PC: variants seen among roughly 807,000 people sequenced by gnomAD.
The protein encoded by PC is pyruvate carboxylase, mitochondrial.
A neutral mutation model predicts 107.8 loss-of-function variants in PC; 46 were observed. The observed-to-expected ratio is 0.43, with a 90% confidence interval of 0.34 to 0.55. The LOEUF (loss-of-function observed/expected upper bound fraction) is 0.55. Among genes scored for constraint, PC ranks in the 20% least tolerant of loss-of-function variants. The pLI is 0.04. For synonymous variants in PC, 662 were observed against 684.7 expected (o/e 0.97, Z 0.52); for missense variants, 1,241 against 1,643.1 (o/e 0.76, Z 4.23).
chr11:66,931,878 G>A (rs867287172), intron 3 of PC, among the ~76,000 whole-genome samples: 49 of 152,160 alleles, frequency 3.2e-4, no homozygotes, highest in Middle Eastern at 6.8e-3. Context: ...CATTAGCCGG[G>A]CATAGTGGCA....
chr11:66,949,166 G>T (rs925849472), intron 3 of PC, among the ~76,000 whole-genome samples: 3 of 150,608 alleles, frequency 2.0e-5, no homozygotes, highest in African/African-American at 7.3e-5. Flanking sequence ...GCTAATTTTT[G>T]TATTTTTAGT....
At chr11:66,872,679 G>A (rs527277102) in intron 3 of PC, among the ~76,000 whole-genome samples, 3 of 151,996 alleles carry the variant, frequency 2.0e-5, no homozygotes, top group East Asian at 1.9e-4. Flanking sequence ...AGCTTGCAGC[G>A]AGCCGAGATC....
intron 3 of PC, among the ~76,000 whole-genome samples, chr11:66,914,534 A>C (rs1410529691): frequency 2.0e-5 from 3 of 152,078 alleles, no homozygotes; most frequent in Admixed American, 1.3e-4. Context: ...GAAAGAAAGA[A>C]AGACTTTGCC....
At chr11:66,955,311 G>A (rs760600942) in intron 1 of PC, among the ~76,000 whole-genome samples, 6 of 152,216 alleles carry the variant, frequency 3.9e-5, no homozygotes, top group Non-Finnish European at 5.9e-5. Context: ...ATGAGTGGTG[G>A]TGGGAGGACA....
chr11:66,853,252 C>T lies in PC; in HGVS notation c.1500G>A (p.Leu500=), dbSNP rs1240034521. ...LRPAQNRAQK[L]LHYLGHVMVN... is the part of the protein sequence containing the mutation. ...CTCGGGCCAGACCGAGGTAGTGCAA[C>T]AGCTTTTGGGCCCGGTTCTGTGCAG... The change falls in exon 13 of 23, where the codon CTG becomes CTA. Residue 500 remains leucine, a synonymous_variant. Transcript: ENST00000393960. 1.2e-6 allele frequency: 2 copies of T among 1,613,970 alleles called. No homozygotes were observed. Among genetic ancestry groups the T allele is most frequent in the Non-Finnish European group, 1.7e-6 (2 of 1,179,974 alleles).
chr11:66,860,214 T>G, intron 12 of PC: 1 of 1,541,418 alleles, frequency 6.5e-7, no homozygotes, highest in Non-Finnish European at 8.7e-7. Context: ...CAGCTTCCTG[T>G]GTGCTCCAAG....
At chr11:66,907,452 G>A (rs1210146465) in intron 3 of PC, among the ~76,000 whole-genome samples, 6 of 152,192 alleles carry the variant, frequency 3.9e-5, no homozygotes, top group South Asian at 2.1e-4. Context: ...GCTTGAACCC[G>A]GGAGGCAGGG....
intron 12 of PC, 77 bp from the exon 13 acceptor site, chr11:66,853,460 G>A: frequency 6.4e-7 from 1 of 1,561,864 alleles, no homozygotes; most frequent in Non-Finnish European, 8.8e-7. Flanking sequence ...GGCTGAAAGA[G>A]AAAAGGCTGA....
intron 3 of PC, among the ~76,000 whole-genome samples, chr11:66,893,055 C>A (rs959519911): frequency 6.6e-6 from 1 of 152,058 alleles, no homozygotes; most frequent in Non-Finnish European, 1.5e-5. Flanking sequence ...ATGATTCAAC[C>A]CTGACAGACC....
rs751047659 is a variant in PC at position 66,849,866 on chromosome 11, A to G, written c.2899-7T>C. 4.3e-6 allele frequency: 7 copies of G among 1,613,676 alleles called. No homozygotes were observed. In the South Asian group the frequency reaches 7.7e-5, roughly 18 times the overall value. ...TTGGCAGGTCCTTCAGTACCTGGGG[A>G]GCAAAGCAGAGGATCAGTCCCAAGT... On this transcript the variant is annotated splice_region_variant and splice_polypyrimidine_tract_variant and intron_variant, in intron 20 of 22. Transcript: ENST00000393960.
intron 3 of PC, among the ~76,000 whole-genome samples, chr11:66,938,983 A>G (rs1421248712): frequency 6.6e-6 from 1 of 152,186 alleles, no homozygotes; most frequent in African/African-American, 2.4e-5. Flanking sequence ...TTTAGGTTTC[A>G]TCTTCTCTGC....
intron 3 of PC, among the ~76,000 whole-genome samples, chr11:66,910,014 AT>A (rs886425806): frequency 4.6e-5 from 7 of 152,200 alleles, no homozygotes; most frequent in Non-Finnish European, 1.5e-5. Flanking sequence ...GTGTTGAAAA[AT>A]TCAACAATTA....
In PC at chr11:66,863,886, G is replaced by A. The variant is rs779626704; in HGVS notation, c.1256C>T (p.Ser419Leu). ...NASAFQGAVI[S>L]PHYDSLLVKV... ...GACCAGCAGGGAGTCGTAGTGGGGC[G>A]AGATGACGGCTCCTTGGAAGGCGGA... The change falls in exon 12 of 23, where the codon TCG (serine) becomes TTG (leucine). Residue 419 changes from serine to leucine, a missense_variant. Physicochemically the swap from Ser to Leu is moderately radical, Grantham distance 145. Around this residue, in one of 2 missense-constraint regions of PC, gnomAD observed 1,143 missense variants for 1,551.9 expected, o/e 0.74. Coordinates refer to ENST00000393960, the MANE Select transcript of PC (RefSeq NM_001040716.2). The A allele has an allele frequency of 5.0e-6, 8 of 1,613,974 alleles. No homozygotes were observed. The highest frequency in any genetic ancestry group is 2.7e-5 in the African/African-American group (2 of 74,946).
At chr11:66,949,017 G>A (rs1275835790) in intron 3 of PC, among the ~76,000 whole-genome samples, 1 of 151,292 alleles carries the variant, frequency 6.6e-6, no homozygotes, top group Non-Finnish European at 1.5e-5. Flanking sequence ...TTTTTGAGAT[G>A]GAGTCTTGCT....
Position 66,863,894 on chromosome 11 carries a change from G to A in PC, c.1248C>T (p.Ala416=), listed in dbSNP as rs372061505. The A allele has an allele frequency of 4.2e-5, 68 of 1,613,972 alleles. No homozygotes were observed. Among genetic ancestry groups the A allele is most frequent in the Non-Finnish European group, 5.2e-5 (61 of 1,180,032 alleles). Residue 416 remains alanine, a synonymous_variant, in exon 12 of 23, where the codon GCC becomes GCT. Coordinates refer to ENST00000393960, the MANE Select transcript of PC (RefSeq NM_001040716.2). ...RLDNASAFQG[A]VISPHYDSLL... ...GGGAGTCGTAGTGGGGCGAGATGAC[G>A]GCTCCTTGGAAGGCGGAAGCATTAT... is the stretch of plus-strand genomic sequence containing the variant.
At chr11:66,869,339 C>T (rs1262915231) in intron 9 of PC, among the ~76,000 whole-genome samples, 4 of 151,674 alleles carry the variant, frequency 2.6e-5, no homozygotes, top group Admixed American at 6.6e-5. Flanking sequence ...CTCTCCCAGC[C>T]GCTGCTTCTG....
At chr11:66,946,092 C>CAAAAA (rs757767116) in intron 3 of PC, among the ~76,000 whole-genome samples, 10 of 66,064 alleles carry the variant, frequency 1.5e-4, no homozygotes, top group Admixed American at 3.2e-4. Flanking sequence ...GACTCCGTCT[C>CAAAAA]AAAAAAAAAA....
intron 3 of PC, among the ~76,000 whole-genome samples, chr11:66,879,878 G>A: frequency 6.6e-6 from 1 of 152,230 alleles, no homozygotes; most frequent in East Asian, 1.9e-4. Flanking sequence ...TTGGCCAGCA[G>A]GCAGTGTGGG....
chr11:66,858,017 C>T lies in PC; in HGVS notation c.1369-4634G>A. ...CCATCACCCGCATTGGGGCCCGCGC[C>T]TTTGGGGACCTCGAGAGCCTGCGTT... On this transcript the variant is annotated intron_variant, in intron 12 of 22. Coordinates refer to ENST00000393960, the MANE Select transcript of PC (RefSeq NM_001040716.2). The surrounding 1 kb of genome is among the most constrained non-coding windows in gnomAD (Gnocchi z 5.9). 6.2e-7 allele frequency: 1 copy of T among 1,612,292 alleles called. No homozygotes were observed. The highest frequency in any genetic ancestry group is 8.5e-7 in the Non-Finnish European group (1 of 1,179,956).
Sources: allele counts gnomAD v4.1 joint callset (sites outside exome capture counted in the v4.1 genomes callset), GRCh38; gene constraint gnomAD v4.1.1; regional missense constraint gnomAD v4.1.1; non-coding constraint Gnocchi (gnomAD v3.1); transcripts MANE v1.5; gene names NCBI Gene and HGNC (gene_info 2026-07-23, HGNC 2026-07-21).